Variants in ZNF385D observed in about 807,000 individuals in gnomAD.
The protein encoded by ZNF385D is zinc finger protein 659.
Under a neutral mutation model 35.8 loss-of-function variants are expected in ZNF385D, and 15 were observed. The ratio of observed to expected loss-of-function variants is 0.42; its 90% CI spans 0.28 to 0.64. The LOEUF (loss-of-function observed/expected upper bound fraction) is 0.64, where lower values mean the gene tolerates loss of function less well. ZNF385D is among the 30% of genes least tolerant of loss of function. The probability of loss-of-function intolerance (pLI) is 0.23; values close to 1 mark genes in which losing one functional copy is unlikely to be tolerated. For synonymous variants in ZNF385D, 212 were observed against 186.8 expected (o/e 1.13, Z -1.10); for missense variants, 474 against 494.6 (o/e 0.96, Z 0.39).
intron 3 of ZNF385D, among the ~76,000 whole-genome samples, chr3:22,099,433 C>A (rs1053057311): frequency 6.6e-6 from 1 of 152,104 alleles, no homozygotes; most frequent in Non-Finnish European, 1.5e-5. Context: ...GTAGTGACAG[C>A]GGTCAATTGC....
chr3:21,659,429 A>T (rs1052542488), intron 2 of ZNF385D, among the ~76,000 whole-genome samples: 3 of 152,124 alleles, frequency 2.0e-5, no homozygotes, highest in Non-Finnish European at 4.4e-5. Flanking sequence ...AAACTTGTAA[A>T]ATTTCATAGA....
chr3:22,313,865 G>T (rs1259214414), intron 2 of ZNF385D, among the ~76,000 whole-genome samples: 2 of 152,092 alleles, frequency 1.3e-5, no homozygotes, highest in Non-Finnish European at 2.9e-5. Context: ...TTCAAAGGTG[G>T]AAAAGATATC....
intron 2 of ZNF385D, among the ~76,000 whole-genome samples, chr3:21,639,847 TCTG>T (rs1156427322): frequency 6.6e-6 from 1 of 151,982 alleles, no homozygotes; most frequent in South Asian, 2.1e-4. Context: ...ACCATGTGAG[TCTG>T]CTGAAGAGAA....
At chr3:22,101,694 T>G (rs539156709) in intron 3 of ZNF385D, among the ~76,000 whole-genome samples, 11 of 144,602 alleles carry the variant, frequency 7.6e-5, no homozygotes, top group Admixed American at 1.4e-4. Flanking sequence ...GCTACAAACC[T>G]CGGAAAGGAT....
intron 3 of ZNF385D, among the ~76,000 whole-genome samples, chr3:21,848,830 T>C (rs189988573): frequency 1.3e-5 from 2 of 152,190 alleles, no homozygotes; most frequent in African/African-American, 2.4e-5. Context: ...ATGCTACTTT[T>C]ATCTCGTCTT....
At chr3:21,783,986 C>CT (rs1253850211) in intron 3 of ZNF385D, among the ~76,000 whole-genome samples, 1 of 151,888 alleles carries the variant, frequency 6.6e-6, no homozygotes, top group African/African-American at 2.4e-5. Flanking sequence ...TTTTCTTTTC[C>CT]TTTTTTTCAA....
At chr3:22,360,638 T>C (rs1696368846) in intron 2 of ZNF385D, among the ~76,000 whole-genome samples, 2 of 152,024 alleles carry the variant, frequency 1.3e-5, no homozygotes, top group African/African-American at 2.4e-5. Context: ...TCTTAAGAAC[T>C]CTTTCAAGGT....
chr3:21,711,267 T>C (rs1304259742), intron 1 of ZNF385D, among the ~76,000 whole-genome samples: 1 of 151,842 alleles, frequency 6.6e-6, no homozygotes, highest in Non-Finnish European at 1.5e-5. Flanking sequence ...GGTCTCGATC[T>C]CCTGACCTCG....
chr3:21,469,089 C>A (rs951852299), intron 4 of ZNF385D, among the ~76,000 whole-genome samples: 1 of 152,116 alleles, frequency 6.6e-6, no homozygotes. Context: ...GTTTCTATAT[C>A]TTGACTAAGG....
At chr3:22,010,511 G>C (rs1696504551) in intron 3 of ZNF385D, among the ~76,000 whole-genome samples, 1 of 152,166 alleles carries the variant, frequency 6.6e-6, no homozygotes, top group African/African-American at 2.4e-5. Context: ...CCTCTATCTA[G>C]GCTCAGACTT....
At chr3:21,954,464 A>G (rs867580598) in intron 3 of ZNF385D, among the ~76,000 whole-genome samples, 1 of 152,034 alleles carries the variant, frequency 6.6e-6, no homozygotes, top group African/African-American at 2.4e-5. Flanking sequence ...CACTTAGAAT[A>G]ACTCCTCAAC....
chr3:22,010,468 A>T (rs1262396845), intron 3 of ZNF385D, among the ~76,000 whole-genome samples: 1 of 152,226 alleles, frequency 6.6e-6, no homozygotes, highest in Non-Finnish European at 1.5e-5. Context: ...TATTCAGGAC[A>T]AAAAGATAAA....
chr3:22,120,727 A>T (rs1251481553), intron 3 of ZNF385D, among the ~76,000 whole-genome samples: 1 of 152,186 alleles, frequency 6.6e-6, no homozygotes, highest in African/African-American at 2.4e-5. Context: ...CACTTATTTC[A>T]ATTAATACTA....
At chr3:21,722,334 G>T (rs1016947969) in intron 1 of ZNF385D, among the ~76,000 whole-genome samples, 5 of 152,160 alleles carry the variant, frequency 3.3e-5, no homozygotes, top group African/African-American at 1.2e-4. Flanking sequence ...CATTTTGTAG[G>T]ATGTTTGTAT....
intron 3 of ZNF385D, among the ~76,000 whole-genome samples, chr3:21,811,810 T>C (rs78735873): frequency 0.06 from 9,131 of 152,266 alleles, 597 homozygotes; most frequent in East Asian, 0.31. Context: ...ATAAGGTGCC[T>C]AGGCAATCAT....
chr3:22,118,761 T>C (rs530695962), intron 3 of ZNF385D, among the ~76,000 whole-genome samples: 7 of 152,134 alleles, frequency 4.6e-5, no homozygotes, highest in Non-Finnish European at 4.4e-5. Context: ...ACAGTCATAG[T>C]TCTGGGTTTA....
intron 3 of ZNF385D, among the ~76,000 whole-genome samples, chr3:21,827,670 T>C (rs916978171): frequency 1.3e-5 from 2 of 152,174 alleles, no homozygotes; most frequent in African/African-American, 4.8e-5. Context: ...AGTGCCTCTA[T>C]TTTGAAGCAT....
rs1029999510 is a variant in ZNF385D, at chr3:22,000,905, T to A, written c.325+167912A>T. On this transcript the variant is annotated intron_variant, in intron 3 of 5. Transcript: ENST00000494108. ...TCCTACAAGAAATATTTAAGGGAGT[T>A]TTTTTTTTTCTACATCAGGAAGTGT... Among the ~76,000 whole-genome samples, 35 of 67,978 alleles carry A rather than the reference T, an allele frequency of 5.1e-4. No individual in the cohort carries two copies. In the African/African-American group the frequency reaches 6.9e-3, roughly 13 times the overall value. 44.6% of individuals were successfully genotyped at this position (67,978 alleles called of 152,430 possible).
At chr3:21,538,486 G>T (rs1575128366) in intron 3 of ZNF385D, among the ~76,000 whole-genome samples, 1 of 152,234 alleles carries the variant, frequency 6.6e-6, no homozygotes, top group African/African-American at 2.4e-5. Flanking sequence ...AAAAACCAAA[G>T]AAACTTGGTT....
Sources: gnomAD v4.1 joint callset for allele counts (sites outside exome capture counted in the v4.1 genomes callset) on GRCh38, gnomAD v4.1.1 for gene constraint, MANE v1.5 for transcripts, NCBI Gene and HGNC (gene_info 2026-07-23, HGNC 2026-07-21) for gene names.